The following CUX1 variants were observed in gnomAD, a reference collection of about 807,000 sequenced individuals.
CUX1 encodes protein CASP.
Under a neutral mutation model 158.8 loss-of-function variants are expected in CUX1, and 31 were observed. The ratio of observed to expected loss-of-function variants is 0.20; its 90% CI spans 0.15 to 0.26. The LOEUF is 0.26. Among genes scored for constraint, CUX1 ranks in the 10% least tolerant of loss-of-function variants. The probability of loss-of-function intolerance (pLI) is 1.00; values close to 1 mark genes in which losing one functional copy is unlikely to be tolerated. For synonymous variants in CUX1, 879 were observed against 862.1 expected, an observed-to-expected ratio of 1.02 and a Z score of -0.34; for missense variants, 1,589 against 2,014.6, an observed-to-expected ratio of 0.79 and a Z score of 4.04.
At chr7:102,282,008 G>A in intron 21 of CUX1, 1 of 902,460 alleles carries the variant, frequency 1.1e-6, no homozygotes, top group Non-Finnish European at 1.8e-6. Flanking sequence ...CGGTGGCCTG[G>A]CCCCTGGGCC....
At chr7:101,853,089 A>G (rs972812676) in intron 1 of CUX1, among the ~76,000 whole-genome samples, 1 of 152,052 alleles carries the variant, frequency 6.6e-6, no homozygotes, top group Non-Finnish European at 1.5e-5. Context: ...ACACCCAGGA[A>G]CCCTCCACCC....
At position 102,250,459 on chromosome 7, in the gene CUX1, C is replaced by G; in HGVS notation, c.*1417C>G. 4 of 985,452 alleles carry G rather than the reference C, an allele frequency of 4.1e-6. No individual in the cohort carries two copies. The highest frequency in any genetic ancestry group is 1.1e-4 in the East Asian group (1 of 8,810). 61.0% of individuals were successfully genotyped at this position (985,452 alleles called of 1,614,324 possible). A position where few individuals can be genotyped will look rare whatever the true frequency, so the allele number is the denominator to read the frequency against. On this transcript the variant is annotated 3_prime_UTR_variant, in exon 24 of 24. Coordinates refer to ENST00000292535, the MANE Select transcript of CUX1 (RefSeq NM_181552.4). ...CCTGGGCAGGGCTTACACGCGCACT[C>G]TCTCTCTTCTTTCCCTTTTTCTTCC... is the stretch of plus-strand genomic sequence containing the variant.
Position 102,256,650 on chromosome 7 carries a change from G to C in CUX1, c.*7608G>C, listed in dbSNP as rs1789922551. ...TACCAACGTGTGAGGGAGTTGCTGA[G>C]TTGAAGAATGCTCGCTTGAGGAGCT... On this transcript the variant is annotated 3_prime_UTR_variant, in exon 24 of 24. Transcript: ENST00000292535. 3.0e-6 allele frequency: 3 copies of C among 985,344 alleles called. No individual in the cohort carries two copies. In the African/African-American group the frequency reaches 5.2e-5, roughly 17 times the overall value. The allele number at this position is 985,344 out of a possible 1,614,324, so 61.0% of individuals were successfully genotyped here. A position where few individuals can be genotyped will look rare whatever the true frequency, so the allele number is the denominator to read the frequency against.
intron 1 of CUX1, among the ~76,000 whole-genome samples, chr7:101,841,253 A>G (rs1795170825): frequency 6.6e-6 from 1 of 152,008 alleles, no homozygotes; most frequent in Admixed American, 6.6e-5. Flanking sequence ...TTTTCATTTT[A>G]TCTTGGTTTT....
chr7:102,081,754 T>C (rs1827442730), intron 4 of CUX1, among the ~76,000 whole-genome samples: 2 of 146,512 alleles, frequency 1.4e-5, no homozygotes. Context: ...TCCCTCAGCC[T>C]CCCTGGGATT....
rs1338782971 is a variant in CUX1 at position 101,817,737 on chromosome 7, G to A, written c.30+68G>A. 2 of 1,532,854 alleles carry A rather than the reference G, an allele frequency of 1.3e-6. No homozygotes were observed. Among genetic ancestry groups the A allele is most frequent in the Admixed American group, 2.0e-5 (1 of 50,358 alleles). The allele number at this position is 1,532,854 out of a possible 1,614,324, so 95.0% of individuals were successfully genotyped here. A position where few individuals can be genotyped will look rare whatever the true frequency, so the allele number is the denominator to read the frequency against. Reference sequence around the variant, plus strand: ...GAGGGAACCGGGGATGTCGGGGGGTGCCCGGGTCCCGCGGCTTAGAATGCT... The same window carrying A: ...GAGGGAACCGGGGATGTCGGGGGGTACCCGGGTCCCGCGGCTTAGAATGCT... On this transcript the variant is annotated intron_variant, in intron 1 of 23. Coordinates refer to ENST00000292535, the MANE Select transcript of CUX1 (RefSeq NM_181552.4). The surrounding 1 kb of genome is among the most constrained non-coding windows in gnomAD (Gnocchi z 4.1).
intron 2 of CUX1, among the ~76,000 whole-genome samples, chr7:102,003,730 G>C (rs774025726): frequency 2.0e-5 from 3 of 152,188 alleles, no homozygotes; most frequent in Non-Finnish European, 4.4e-5. Flanking sequence ...ATGTTCATGA[G>C]CCAGTAAGGC....
chr7:101,981,458 T>C (rs941179875), intron 2 of CUX1, among the ~76,000 whole-genome samples: 14 of 152,148 alleles, frequency 9.2e-5, no homozygotes, highest in African/African-American at 3.1e-4. Context: ...GAATAGCCAA[T>C]TGGTGGCCAC....
chr7:102,151,903 C>T (rs1179327372), intron 8 of CUX1, among the ~76,000 whole-genome samples: 2 of 151,512 alleles, frequency 1.3e-5, no homozygotes, highest in Non-Finnish European at 2.9e-5. Context: ...AAAAGAATAC[C>T]TCCTTAGAAA....
chr7:101,831,357 C>T (rs1160771051), intron 1 of CUX1, among the ~76,000 whole-genome samples: 1 of 151,446 alleles, frequency 6.6e-6, no homozygotes. Context: ...GTGGTGCAAT[C>T]TCGGCTCACT....
chr7:102,157,189 G>A (rs188125488), intron 8 of CUX1, among the ~76,000 whole-genome samples: 169 of 152,244 alleles, frequency 1.1e-3, no homozygotes, highest in African/African-American at 3.8e-3. Flanking sequence ...AGGGCCTTGC[G>A]TGTGGCTGAG....
chr7:102,139,565 C>T (rs1314924489), intron 8 of CUX1, among the ~76,000 whole-genome samples: 1 of 152,170 alleles, frequency 6.6e-6, no homozygotes, highest in Non-Finnish European at 1.5e-5. Context: ...GAGGCCAAGC[C>T]GGGGGTACTG....
At chr7:102,014,587 G>C (rs960810857) in intron 2 of CUX1, among the ~76,000 whole-genome samples, 1 of 152,256 alleles carries the variant, frequency 6.6e-6, no homozygotes, top group East Asian at 1.9e-4. Flanking sequence ...CATCGGGGAT[G>C]CTAAAGTCGG....
chr7:101,935,737 G>T (rs1195950630), intron 2 of CUX1, among the ~76,000 whole-genome samples: 1 of 152,220 alleles, frequency 6.6e-6, no homozygotes. Flanking sequence ...AGGAGGCTGG[G>T]GTGGTGTTGG....
chr7:102,015,276 G>T (rs1360532991), intron 2 of CUX1, among the ~76,000 whole-genome samples: 2 of 152,156 alleles, frequency 1.3e-5, no homozygotes, highest in Non-Finnish European at 2.9e-5. Flanking sequence ...CACCCAGGCT[G>T]GAGTGCAGTG....
At position 102,076,429 on chromosome 7, in the gene CUX1, C is replaced by T. The variant is rs569195601; in HGVS notation, c.268+6012C>T. On this transcript the variant is annotated intron_variant, in intron 4 of 23. Coordinates refer to ENST00000292535, the MANE Select transcript of CUX1 (RefSeq NM_181552.4). ...AAAAAGACACCAAATAAGCATTTAG[C>T]AATACAGTAGCATTGAACCCTCATG... is the stretch of plus-strand genomic sequence containing the variant. Among the ~76,000 whole-genome samples the T allele has an allele frequency of 2.0e-5, 3 of 152,064 alleles. No homozygotes were observed. The South Asian group carries it at 6.3e-4, about 32-fold the overall frequency.
chr7:102,266,333 C>T (rs1790812907), intron 14 of CUX1, among the ~76,000 whole-genome samples: 1 of 151,722 alleles, frequency 6.6e-6, no homozygotes, highest in South Asian at 2.1e-4. Flanking sequence ...CTGGGTCAGG[C>T]CGGGAAGGGG....
Position 102,257,087 on chromosome 7 carries a change from G to A in CUX1, c.*8045G>A, listed in dbSNP as rs1411225318. 1 of 985,256 alleles carries A rather than the reference G, an allele frequency of 1.0e-6. No homozygotes were observed. The highest frequency in any genetic ancestry group is 1.2e-6 in the Non-Finnish European group (1 of 829,972). 61.0% of individuals were successfully genotyped at this position (985,256 alleles called of 1,614,324 possible). A position where few individuals can be genotyped will look rare whatever the true frequency, so the allele number is the denominator to read the frequency against. ...AGGACACCCAGTTGTTGCCAATCAG[G>A]TGTGAAGGTGAGGCGCCCTGCCTTG... is the stretch of plus-strand genomic sequence containing the variant. On this transcript the variant is annotated 3_prime_UTR_variant, in exon 24 of 24. Coordinates refer to ENST00000292535, the MANE Select transcript of CUX1 (RefSeq NM_181552.4).
chr7:102,142,977 T>C (rs1378138779), intron 8 of CUX1, among the ~76,000 whole-genome samples: 1 of 152,002 alleles, frequency 6.6e-6, no homozygotes, highest in Admixed American at 6.6e-5. Flanking sequence ...TAACAACCGG[T>C]CCCCATTTCC....
Sources: gnomAD v4.1 joint callset for allele counts (sites outside exome capture counted in the v4.1 genomes callset) on GRCh38, gnomAD v4.1.1 for gene constraint, Gnocchi (gnomAD v3.1) non-coding constraint, MANE v1.5 for transcripts, NCBI Gene and HGNC (gene_info 2026-07-23, HGNC 2026-07-21) for gene names.